RB1CC1: variants seen among roughly 807,000 people sequenced by gnomAD.
RB1CC1 encodes the protein RB1-inducible coiled-coil protein 1.
In RB1CC1, 46 loss-of-function variants were observed where a neutral mutation model predicts 177.5. The observed-to-expected ratio is 0.26, with a 90% CI of 0.20 to 0.33. RB1CC1 has a LOEUF of 0.33. RB1CC1 is among the 10% of genes least tolerant of loss of function. RB1CC1 has a pLI of 1.00. For missense variants in RB1CC1, 1,703 were observed against 1,816.3 expected, an observed-to-expected ratio of 0.94 and a Z score of 1.13; for synonymous variants, 666 against 613.6, an observed-to-expected ratio of 1.09 and a Z score of -1.26.
chr8:52,637,621 T>C (rs1423027785), intron 18 of RB1CC1, among the ~76,000 whole-genome samples: 2 of 152,090 alleles, frequency 1.3e-5, no homozygotes, highest in Admixed American at 6.6e-5. Flanking sequence ...AGGCTATGTA[T>C]GCAAATAGTG....
In RB1CC1 at chr8:52,657,979, T is replaced by G. The variant is rs1357456744; in HGVS notation, c.1920+19A>C. On this transcript the variant is annotated intron_variant, in intron 14 of 23. Coordinates refer to ENST00000025008, the MANE Select transcript of RB1CC1 (RefSeq NM_014781.5). ...ATTTTACACTAATGAAGAAAACTGT[T>G]TGAAAGAATTGAATTTGCCTTTTGT... 1 of 1,613,442 alleles carries G rather than the reference T, an allele frequency of 6.2e-7. No homozygotes were observed. Among genetic ancestry groups the G allele is most frequent in the Admixed American group, 1.7e-5 (1 of 59,876 alleles).
intron 6 of RB1CC1, among the ~76,000 whole-genome samples, chr8:52,675,286 A>G (rs1264387332): frequency 2.6e-5 from 4 of 152,190 alleles, no homozygotes; most frequent in Non-Finnish European, 4.4e-5. Context: ...GGTTACCCAA[A>G]TTTAAAAAAA....
At chr8:52,651,324 G>A (rs553839259) in intron 15 of RB1CC1, among the ~76,000 whole-genome samples, 1 of 152,300 alleles carries the variant, frequency 6.6e-6, no homozygotes, top group South Asian at 2.1e-4. Flanking sequence ...AATCCAATCC[G>A]CTTTTTTGCG....
chr8:52,657,449 G>A lies in RB1CC1; in HGVS notation c.2380C>T (p.Leu794=), dbSNP rs112305337. ...CTACATCTTTCCAACTGGACATTCA[G>A]AGAAGTATGATCTCCAAAATCCTCC... ...GKEDFGDHTS[L]NVQLERCRVV... The change falls in exon 15 of 24, where the codon CTG becomes TTG. Residue 794 remains leucine (L), a synonymous_variant. Coordinates refer to ENST00000025008, the MANE Select transcript of RB1CC1 (RefSeq NM_014781.5). 97 of 1,613,680 alleles carry A rather than the reference G, an allele frequency of 6.0e-5. 1 individual carries two copies. The highest frequency in any genetic ancestry group is 4.2e-4 in the East Asian group (19 of 44,864).
intron 1 of RB1CC1, among the ~76,000 whole-genome samples, chr8:52,693,246 T>C (rs182683886): frequency 8.9e-4 from 135 of 152,138 alleles, no homozygotes; most frequent in Non-Finnish European, 7.5e-4. Flanking sequence ...CAAAAGCAAT[T>C]GCAACAAAAG....
At chr8:52,676,095 G>C (rs1853099626) in intron 6 of RB1CC1, among the ~76,000 whole-genome samples, 1 of 151,888 alleles carries the variant, frequency 6.6e-6, no homozygotes, top group African/African-American at 2.4e-5. Flanking sequence ...AAAGATTCTT[G>C]GTTTTATAAA....
At chr8:52,651,120 G>A (rs1296169643) in intron 15 of RB1CC1, among the ~76,000 whole-genome samples, 1 of 152,188 alleles carries the variant, frequency 6.6e-6, no homozygotes, top group East Asian at 1.9e-4. Context: ...TAGATCTAAT[G>A]ACAGTTACAA....
At chr8:52,680,733 G>A (rs1016114971) in intron 5 of RB1CC1, among the ~76,000 whole-genome samples, 16 of 152,074 alleles carry the variant, frequency 1.1e-4, no homozygotes, top group Non-Finnish European at 2.1e-4. Flanking sequence ...TACAAACCAC[G>A]GATACATGCA....
chr8:52,631,243 C>T (rs1359387554), intron 20 of RB1CC1, among the ~76,000 whole-genome samples: 1 of 151,836 alleles, frequency 6.6e-6, no homozygotes, highest in Non-Finnish European at 1.5e-5. Context: ...CGAACAACAA[C>T]AAAAAAACCA....
intron 1 of RB1CC1, among the ~76,000 whole-genome samples, chr8:52,712,774 G>C: frequency 6.6e-6 from 1 of 152,096 alleles, no homozygotes; most frequent in East Asian, 1.9e-4. Flanking sequence ...AACATTAAAA[G>C]ACATGACAGG....
Position 52,642,718 on chromosome 8 carries a change from T to C in RB1CC1, c.4082A>G (p.Gln1361Arg). 1 of 1,577,566 alleles carries C rather than the reference T, an allele frequency of 6.3e-7. No individual in the cohort carries two copies. Among genetic ancestry groups the C allele is most frequent in the Non-Finnish European group, 8.6e-7 (1 of 1,169,264 alleles). Reference sequence around the variant, plus strand: ...ACAGTACAAACCTTTATCCCGTTCTTGTTGCTGCATTGTACTTTTCAACTT... The same window carrying C: ...ACAGTACAAACCTTTATCCCGTTCTCGTTGCTGCATTGTACTTTTCAACTT... ...SDKLKSTMQQ[Q>R]ERDKDLIESL... Residue 1361 changes from glutamine (Q) to arginine (R), a missense_variant, in exon 17 of 24, where the codon CAA (glutamine) becomes CGA (arginine). Physicochemically the swap from Gln to Arg is conservative, Grantham distance 43. Around this residue, in one of 6 missense-constraint regions of RB1CC1, gnomAD observed 1,169 missense variants for 1,184.7 expected, o/e 0.99. Coordinates refer to ENST00000025008, the MANE Select transcript of RB1CC1 (RefSeq NM_014781.5).
intron 9 of RB1CC1, 64 bp from the exon 10 acceptor site, chr8:52,661,345 A>C: frequency 2.5e-6 from 4 of 1,575,856 alleles, no homozygotes; most frequent in Non-Finnish European, 2.6e-6. Context: ...TTACTTACTT[A>C]GTAAGCTTAC....
chr8:52,624,457 G>C lies in RB1CC1; in HGVS notation c.4707+260C>G, dbSNP rs546670786. Among the ~76,000 whole-genome samples the C allele has an allele frequency of 2.0e-5, 3 of 151,900 alleles. No individual in the cohort carries two copies. In the South Asian group the frequency reaches 6.2e-4, roughly 31 times the overall value. On this transcript the variant is annotated intron_variant, in intron 23 of 23. Coordinates refer to ENST00000025008, the MANE Select transcript of RB1CC1 (RefSeq NM_014781.5). ...TTTTTCTTGCAAATTAGTTACACTA[G>C]CAACCCAACAGTCATAGAACACAGA...
intron 1 of RB1CC1, among the ~76,000 whole-genome samples, chr8:52,706,980 A>C (rs186814998): frequency 2.0e-5 from 3 of 152,260 alleles, no homozygotes; most frequent in African/African-American, 7.2e-5. Flanking sequence ...TTATGTAAAC[A>C]TAAGAGGGAG....
At chr8:52,660,690 A>G in intron 11 of RB1CC1, 33 bp from the exon 12 acceptor site, 1 of 1,549,462 alleles carries the variant, frequency 6.5e-7, no homozygotes. Flanking sequence ...TGGTTATTTT[A>G]GAGCTTTATT....
chr8:52,711,705 T>C (rs117736378), intron 1 of RB1CC1, among the ~76,000 whole-genome samples: 1 of 152,250 alleles, frequency 6.6e-6, no homozygotes, highest in Non-Finnish European at 1.5e-5. Context: ...TAGACCTTTG[T>C]GAGTTAGAGC....
chr8:52,690,279 T>C (rs1021530638), intron 1 of RB1CC1, among the ~76,000 whole-genome samples: 3 of 152,238 alleles, frequency 2.0e-5, no homozygotes, highest in African/African-American at 7.2e-5. Flanking sequence ...TAAGGGATGC[T>C]GACTAAAGTG....
At chr8:52,691,978 T>G (rs1854908663) in intron 1 of RB1CC1, among the ~76,000 whole-genome samples, 1 of 152,264 alleles carries the variant, frequency 6.6e-6, no homozygotes, top group South Asian at 2.1e-4. Context: ...GCTAAGTAGC[T>G]TTACATGCAT....
chr8:52,694,084 G>A (rs139828944), intron 1 of RB1CC1, among the ~76,000 whole-genome samples: 287 of 152,210 alleles, frequency 1.9e-3, no homozygotes, highest in Non-Finnish European at 2.4e-3. Context: ...CCTACCTATC[G>A]TAGCCAAGAA....
Sources: gnomAD v4.1 joint callset for allele counts (sites outside exome capture counted in the v4.1 genomes callset) on GRCh38, gnomAD v4.1.1 for gene constraint, gnomAD v4.1.1 regional missense constraint, MANE v1.5 for transcripts, NCBI Gene and HGNC (gene_info 2026-07-23, HGNC 2026-07-21) for gene names.